Variants in KRT28 observed in about 807,000 individuals in gnomAD.
KRT28 encodes the protein keratin 28.
A neutral mutation model predicts 48.1 loss-of-function variants in KRT28; 45 were observed. That is an observed-to-expected ratio of 0.94 (90% CI 0.74 to 1.20). The LOEUF is 1.20. Ranked by LOEUF, KRT28 falls within the 50% of genes most tolerant of loss-of-function variation. The pLI is 0.00. For missense variants in KRT28, 571 were observed against 574.1 expected, an observed-to-expected ratio of 0.99 and a Z score of 0.06; for synonymous variants, 228 against 227.4, an observed-to-expected ratio of 1.00 and a Z score of -0.03.
rs539352524 is a variant in KRT28 at position 40,797,160 on chromosome 17, T to C, written c.812A>G (p.Glu271Gly). The C allele has an allele frequency of 6.8e-6, 11 of 1,614,080 alleles. No individual in the cohort carries two copies. The highest frequency in any genetic ancestry group is 8.5e-6 in the Non-Finnish European group (10 of 1,180,002). The change falls in exon 4 of 8, where the codon GAG becomes GGG. Residue 271 changes from glutamate to glycine, a missense_variant. Coordinates refer to ENST00000306658, the MANE Select transcript of KRT28 (RefSeq NM_181535.3). ...GGCCTCCGCGTCCTTGCGGTTCTGC[T>C]CTGCAAGGGCTTCGTACTCCGCTCG... ...NMRAEYEALA[E>G]QNRKDAEAWF...
intron 6 of KRT28, 26 bp downstream of exon 6, chr17:40,793,803 C>T: frequency 6.2e-7 from 1 of 1,612,390 alleles, no homozygotes; most frequent in South Asian, 1.1e-5. Context: ...GAGGTAAAAA[C>T]TGGATTTTCA....
rs201031963 is a variant in KRT28, at chr17:40,793,846, C to A, written c.1179G>T (p.Leu393=). 2 of 1,613,852 alleles carry A rather than the reference C, an allele frequency of 1.2e-6. No individual in the cohort carries two copies. Among genetic ancestry groups the A allele is most frequent in the Non-Finnish European group, 1.7e-6 (2 of 1,179,872 alleles). ...LEKEIETYCR[L]IDGDGNSCSK... Reference sequence around the variant, plus strand: ...TTACTTACTTTCCATCTCCATCTATCAGGCGGCAGTAGGTCTCAATTTCTT... The same window carrying A: ...TTACTTACTTTCCATCTCCATCTATAAGGCGGCAGTAGGTCTCAATTTCTT... Residue 393 remains leucine, a synonymous_variant, in exon 6 of 8, where the codon CTG becomes CTT. Transcript: ENST00000306658.
intron 3 of KRT28, among the ~76,000 whole-genome samples, chr17:40,797,732 A>C (rs1904649959): frequency 6.6e-6 from 1 of 152,210 alleles, no homozygotes; most frequent in African/African-American, 2.4e-5. Flanking sequence ...CTGGCCACAG[A>C]GCGAGACTCT....
Position 40,797,271 on chromosome 17 carries a change from G to T in KRT28, c.701C>A (p.Ala234Asp). Residue 234 changes from alanine (A) to aspartate (D), a missense_variant, in exon 4 of 8, where the codon GCT (alanine) becomes GAT (aspartate). Transcript: ENST00000306658. ...LKKNHEEEMK[A>D]LQCAAGGNVN... ...GTTGCCCCCAGCCGCGCACTGCAGA[G>T]CCTTCATCTCCTGGAGAGAAGCAAG... 1.9e-6 allele frequency: 3 copies of T among 1,613,502 alleles called. No homozygotes were observed. Among genetic ancestry groups the T allele is most frequent in the Non-Finnish European group, 2.5e-6 (3 of 1,179,594 alleles).
Position 40,793,215 on chromosome 17 carries a change from A to C in KRT28, c.1197-5T>G. The C allele has an allele frequency of 6.5e-7, 1 of 1,528,884 alleles. No individual in the cohort carries two copies. Among genetic ancestry groups the C allele is most frequent in the Middle Eastern group, 2.4e-4 (1 of 4,252 alleles). 94.7% of individuals were successfully genotyped at this position (1,528,884 alleles called of 1,614,324 possible). A position where few individuals can be genotyped will look rare whatever the true frequency, so the allele number is the denominator to read the frequency against. On this transcript the variant is annotated splice_region_variant and splice_polypyrimidine_tract_variant and intron_variant, in intron 6 of 7. Transcript: ENST00000306658. The stretch of plus-strand genomic sequence containing the variant: ...CCCTTTGATTTGGAGCATGAACTGT[A>C]AAAGAAATATAGTTTATTCTTTTAT...
At chr17:40,794,221 TGATG>T (rs1361988923) in intron 5 of KRT28, among the ~76,000 whole-genome samples, 175 bp from the exon 6 acceptor site, 1 of 152,190 alleles carries the variant, frequency 6.6e-6, no homozygotes, top group African/African-American at 2.4e-5. Context: ...GGGCCAGGCA[TGATG>T]GACGTGGGAT....
chr17:40,798,364 T>A lies in KRT28; in HGVS notation c.561A>T (p.Gln187His), dbSNP rs567294554. 2 of 1,611,110 alleles carry A rather than the reference T, an allele frequency of 1.2e-6. No homozygotes were observed. ...ATCCGTTGATGTCGGCCTCTACGTT[T>A]TGGTGAAGGGTGAGCTCATTTTCAT... is the stretch of plus-strand genomic sequence containing the variant. ...LKYENELTLH[Q>H]NVEADINGLR... The change falls in exon 3 of 8, where the codon CAA (glutamine) becomes CAT (histidine). Residue 187 changes from glutamine (Q) to histidine (H), a missense_variant. Transcript: ENST00000306658.
Position 40,798,320 on chromosome 17 carries a change from T to C in KRT28, c.605A>G (p.Glu202Gly), listed in dbSNP as rs370062911. Residue 202 changes from glutamate to glycine, a missense_variant, in exon 3 of 8, where the codon GAG becomes GGG. Glu to Gly is a moderately conservative substitution (Grantham distance 98). Transcript: ENST00000306658. ...DINGLRRVLD[E>G]LTLCRTDQEL... ...CTGGTCGGTCCTGCAGAGCGTCAGC[T>C]CGTCCAGGACTCGCCGTAATCCGTT... The C allele has an allele frequency of 3.2e-5, 51 of 1,613,650 alleles. No homozygotes were observed. In the African/African-American group the frequency reaches 5.9e-4, roughly 19 times the overall value.
intron 1 of KRT28, 116 bp downstream of exon 1, chr17:40,799,328 T>A (rs1597809013): frequency 1.6e-6 from 1 of 611,118 alleles, no homozygotes; most frequent in Non-Finnish European, 2.6e-6. Context: ...GAATTGTTTA[T>A]CTAAATAAAT....
intron 5 of KRT28, among the ~76,000 whole-genome samples, chr17:40,794,303 T>G (rs1386697408): frequency 6.6e-6 from 1 of 152,190 alleles, no homozygotes; most frequent in East Asian, 1.9e-4. Flanking sequence ...TGATGATATA[T>G]AGGTCATATT....
At chr17:40,798,652 G>T (rs922587876) in intron 2 of KRT28, among the ~76,000 whole-genome samples, 4 of 152,084 alleles carry the variant, frequency 2.6e-5, no homozygotes, top group African/African-American at 9.7e-5. Flanking sequence ...TTTAGTTAAC[G>T]TTTTTCCTTA....
chr17:40,793,224 A>G lies in KRT28; in HGVS notation c.1197-14T>C, dbSNP rs1313941210. ...TTGGAGCATGAACTGTAAAAGAAAT[A>G]TAGTTTATTCTTTTATATTTCTGCT... On this transcript the variant is annotated splice_polypyrimidine_tract_variant and intron_variant, in intron 6 of 7. Coordinates refer to ENST00000306658, the MANE Select transcript of KRT28 (RefSeq NM_181535.3). 4.7e-6 allele frequency: 7 copies of G among 1,498,262 alleles called. No individual in the cohort carries two copies. Among genetic ancestry groups the G allele is most frequent in the African/African-American group, 1.5e-5 (1 of 68,854 alleles). 92.8% of individuals were successfully genotyped at this position (1,498,262 alleles called of 1,614,324 possible).
chr17:40,799,584 C>G lies in KRT28; in HGVS notation c.310G>C (p.Val104Leu). The change falls in exon 1 of 8, where the codon GTG becomes CTG. Residue 104 changes from valine (V) to leucine (L), a missense_variant. Transcript: ENST00000306658. Reference protein sequence around the residue: ...NDRLASYLDNVRALEEANAEL... With the variant: ...NDRLASYLDNLRALEEANAEL... Reference sequence around the variant, plus strand: ...GCATTTGCCTCCTCCAGAGCTCGCACATTATCCAGGTAGGATGCCAAGCGG... The same window carrying G: ...GCATTTGCCTCCTCCAGAGCTCGCAGATTATCCAGGTAGGATGCCAAGCGG... 6.2e-7 allele frequency: 1 copy of G among 1,614,164 alleles called. No individual in the cohort carries two copies. The highest frequency in any genetic ancestry group is 8.5e-7 in the Non-Finnish European group (1 of 1,180,020).
At chr17:40,793,565 G>A (rs1012791514) in intron 6 of KRT28, among the ~76,000 whole-genome samples, 3 of 152,106 alleles carry the variant, frequency 2.0e-5, no homozygotes, top group Non-Finnish European at 4.4e-5. Context: ...GGGAGGTGGA[G>A]AGAATCTTGA....
chr17:40,798,173 C>G (rs1050045817), intron 3 of KRT28, 62 bp downstream of exon 3: 24 of 1,494,636 alleles, frequency 1.6e-5, no homozygotes, highest in Admixed American at 5.5e-5. Context: ...TAACCCCCAA[C>G]CCCTGCCCAG....
intron 2 of KRT28, 67 bp downstream of exon 2, chr17:40,798,850 A>T: frequency 9.7e-7 from 1 of 1,033,576 alleles, no homozygotes; most frequent in Non-Finnish European, 1.5e-6. Flanking sequence ...ATGAAATAGA[A>T]ATTTTATTTA....
Position 40,796,985 on chromosome 17 carries a change from C to T in KRT28, c.909G>A (p.Arg303=), listed in dbSNP as rs1186605449. Reference sequence around the variant, plus strand: ...TGCGCCTCATCTCGGTGAGCTGGCTCCGGGCGAAAGTGGCTGCGCCTGAGT... The same window carrying T: ...TGCGCCTCATCTCGGTGAGCTGGCTTCGGGCGAAAGTGGCTGCGCCTGAGT... The part of the protein sequence containing the change: ...SHDSGAATFA[R]SQLTEMRRTL... Residue 303 remains arginine (R), a synonymous_variant, in exon 5 of 8, where the codon CGG becomes CGA. Transcript: ENST00000306658. 12 of 1,612,816 alleles carry T rather than the reference C, an allele frequency of 7.4e-6. No individual in the cohort carries two copies. The highest frequency in any genetic ancestry group is 1.0e-5 in the Non-Finnish European group (12 of 1,179,728).
chr17:40,799,300 A>C (rs1435413381), intron 1 of KRT28, 144 bp downstream of exon 1: 1 of 731,166 alleles, frequency 1.4e-6, no homozygotes. Context: ...CAAAGGGCCC[A>C]TTTTTGAATA....
chr17:40,792,225 A>G lies in KRT28; in HGVS notation c.*202T>C, dbSNP rs897232389. 4 of 409,604 alleles carry G rather than the reference A, an allele frequency of 9.8e-6. No individual in the cohort carries two copies. Among genetic ancestry groups the G allele is most frequent in the Non-Finnish European group, 1.3e-5 (3 of 232,162 alleles). The allele number at this position is 409,604 out of a possible 1,614,324, so 25.4% of individuals were successfully genotyped here. On this transcript the variant is annotated 3_prime_UTR_variant, in exon 8 of 8. Coordinates refer to ENST00000306658, the MANE Select transcript of KRT28 (RefSeq NM_181535.3). Reference sequence around the variant, plus strand: ...AATCACAAATAGTTATTTATTAGTCATCAGTGAATGGAAATGAATGCACAT... The same window carrying G: ...AATCACAAATAGTTATTTATTAGTCGTCAGTGAATGGAAATGAATGCACAT...
Sources: allele counts gnomAD v4.1 joint callset (sites outside exome capture counted in the v4.1 genomes callset), GRCh38; gene constraint gnomAD v4.1.1; transcripts MANE v1.5; gene names NCBI Gene and HGNC (gene_info 2026-07-23, HGNC 2026-07-21).